The following CCDC198 variants were observed in gnomAD, a reference collection of about 807,000 sequenced individuals.
CCDC198 encodes coiled-coil domain containing 198.
In CCDC198, 18 loss-of-function variants were observed where a neutral mutation model predicts 35.6. The ratio of observed to expected loss-of-function variants is 0.51; its 90% CI spans 0.35 to 0.75. CCDC198 has a LOEUF of 0.75. Among genes scored for constraint, CCDC198 ranks in the 30% least tolerant of loss-of-function variants. The pLI, the probability that CCDC198 is intolerant of heterozygous loss-of-function variation, is 0.01. For missense variants in CCDC198, 365 were observed against 343.7 expected (o/e 1.06, Z -0.49); for synonymous variants, 119 against 113.4 (o/e 1.05, Z -0.31).
At position 57,481,564 on chromosome 14, in the gene CCDC198, G is replaced by C; in HGVS notation, c.490C>G (p.Gln164Glu). The C allele has an allele frequency of 6.2e-7, 1 of 1,607,028 alleles. No homozygotes were observed. The highest frequency in any genetic ancestry group is 8.5e-7 in the Non-Finnish European group (1 of 1,174,668). ...MQVLEMIRKR[Q>E]EAQMELKKSL... ...GACACTCTTCTCGTATTTACCTCTT[G>C]TCTTTTACGGATCATTTCCAGCACT... Residue 164 changes from glutamine (Q) to glutamate (E), a missense_variant, in exon 4 of 6, where the codon CAA becomes GAA. Gln to Glu is a conservative substitution (Grantham distance 29). Transcript: ENST00000216445.
intron 2 of CCDC198, among the ~76,000 whole-genome samples, chr14:57,488,626 A>AT (rs1284443122): frequency 6.6e-6 from 1 of 152,196 alleles, no homozygotes; most frequent in East Asian, 1.9e-4. Context: ...CAGTCTATCC[A>AT]TCTGACAAAG....
intron 5 of CCDC198, among the ~76,000 whole-genome samples, chr14:57,479,994 C>T (rs1035268594): frequency 6.6e-6 from 1 of 152,168 alleles, no homozygotes; most frequent in Admixed American, 6.5e-5. Context: ...AGAGAAAGGG[C>T]AGATTTTACT....
At chr14:57,478,373 C>A in intron 5 of CCDC198, 1 of 784,686 alleles carries the variant, frequency 1.3e-6, no homozygotes, top group Middle Eastern at 6.4e-4. Flanking sequence ...AATAGTAGCT[C>A]CTACCTTCTA....
intron 3 of CCDC198, among the ~76,000 whole-genome samples, chr14:57,481,972 T>A (rs2067202961): frequency 6.6e-6 from 1 of 152,188 alleles, no homozygotes; most frequent in Admixed American, 6.5e-5. Context: ...AACAGATGCT[T>A]ATTACCACCT....
chr14:57,485,567 G>A (rs1194991641), intron 2 of CCDC198, among the ~76,000 whole-genome samples: 1 of 152,164 alleles, frequency 6.6e-6, no homozygotes, highest in African/African-American at 2.4e-5. Context: ...AGAGAGAGTG[G>A]AACCACGGAA....
intron 3 of CCDC198, 31 bp from the exon 4 acceptor site, chr14:57,481,691 G>A (rs759839176): frequency 7.2e-7 from 1 of 1,396,750 alleles, no homozygotes; most frequent in Non-Finnish European, 1.0e-6. Context: ...GTTAGTATGG[G>A]GTAATTTGTT....
At chr14:57,479,929 A>C (rs1194825797) in intron 5 of CCDC198, among the ~76,000 whole-genome samples, 3 of 152,164 alleles carry the variant, frequency 2.0e-5, no homozygotes, top group Non-Finnish European at 4.4e-5. Flanking sequence ...CTGTAGCTGG[A>C]GCCCTGGTGT....
intron 3 of CCDC198, among the ~76,000 whole-genome samples, chr14:57,482,401 C>T (rs1566582929): frequency 6.6e-6 from 1 of 152,158 alleles, no homozygotes; most frequent in Non-Finnish European, 1.5e-5. Context: ...GCTGTCAGCA[C>T]CACAAACGTG....
chr14:57,475,788 C>CTTTTTTTTTT lies in CCDC198; in HGVS notation c.656-4208_656-4199dup, dbSNP rs548486752. On this transcript the variant is annotated intron_variant, in intron 5 of 5. Coordinates refer to ENST00000216445, the MANE Select transcript of CCDC198 (RefSeq NM_018168.4). ...CATACATTTGTACGGCACTTAGCTT[C>CTTTTTTTTTT]TTTTTTTTTTTTTTTTTTTTTTTTT... 3.9e-4 allele frequency: 42 copies of CTTTTTTTTTT among 108,854 alleles called. 3 individuals are homozygous for CTTTTTTTTTT. The highest frequency in any genetic ancestry group is 5.5e-4 in the East Asian group (1 of 1,832). 6.7% of individuals were successfully genotyped at this position (108,854 alleles called of 1,614,324 possible). A position where few individuals can be genotyped will look rare whatever the true frequency, so the allele number is the denominator to read the frequency against.
Position 57,471,327 on chromosome 14 carries a change from T to G in CCDC198, c.*28A>C. 1 of 1,537,978 alleles carries G rather than the reference T, an allele frequency of 6.5e-7. No individual in the cohort carries two copies. The highest frequency in any genetic ancestry group is 2.3e-5 in the East Asian group (1 of 44,252). On this transcript the variant is annotated 3_prime_UTR_variant, in exon 6 of 6. Coordinates refer to ENST00000216445, the MANE Select transcript of CCDC198 (RefSeq NM_018168.4). ...AGAGTAAAACAAGCTTTCAAAGCACTCAGTTTCTAGGTTAATGAATAGTAT... is the reference window on the plus strand; with the variant it reads ...AGAGTAAAACAAGCTTTCAAAGCACGCAGTTTCTAGGTTAATGAATAGTAT...
rs548486752 is a variant in CCDC198 at position 57,475,788 on chromosome 14, C to CTTTTTTTTT, written c.656-4207_656-4199dup. On this transcript the variant is annotated intron_variant, in intron 5 of 5. Transcript: ENST00000216445. ...CATACATTTGTACGGCACTTAGCTT[C>CTTTTTTTTT]TTTTTTTTTTTTTTTTTTTTTTTTT... The CTTTTTTTTT allele has an allele frequency of 6.2e-4, 68 of 108,848 alleles. 10 individuals carry two copies. The highest frequency in any genetic ancestry group is 1.5e-3 in the African/African-American group (32 of 20,826). 6.7% of individuals were successfully genotyped at this position (108,848 alleles called of 1,614,324 possible).
chr14:57,492,468 A>T (rs1413964375), intron 1 of CCDC198, among the ~76,000 whole-genome samples: 2 of 152,036 alleles, frequency 1.3e-5, no homozygotes, highest in African/African-American at 4.8e-5. Context: ...CTTAGTACAC[A>T]TTCACGCTCC....
At chr14:57,492,360 T>C (rs998588930) in intron 1 of CCDC198, among the ~76,000 whole-genome samples, 11 of 152,100 alleles carry the variant, frequency 7.2e-5, no homozygotes, top group African/African-American at 2.7e-4. Context: ...TTTTTTTTCT[T>C]TTAATTGAGA....
chr14:57,476,712 C>A (rs2067009582), intron 5 of CCDC198, among the ~76,000 whole-genome samples: 1 of 152,128 alleles, frequency 6.6e-6, no homozygotes, highest in South Asian at 2.1e-4. Context: ...AACAGGGGAA[C>A]AAGAATGGGC....
intron 5 of CCDC198, among the ~76,000 whole-genome samples, chr14:57,477,505 C>T (rs1292061892): frequency 1.3e-5 from 2 of 152,000 alleles, no homozygotes; most frequent in South Asian, 4.1e-4. Flanking sequence ...CACACACACA[C>T]GTACAGGAGT....
chr14:57,483,836 T>C (rs1228613441), intron 2 of CCDC198, among the ~76,000 whole-genome samples: 1 of 152,284 alleles, frequency 6.6e-6, no homozygotes, highest in Non-Finnish European at 1.5e-5. Context: ...GACATTGACA[T>C]GCAATGGGGA....
At position 57,469,718 on chromosome 14, in the gene CCDC198, A is replaced by C. The variant is rs527822820; in HGVS notation, c.*1637T>G. The C allele has an allele frequency of 2.6e-5, 4 of 152,240 alleles. No individual in the cohort carries two copies. Among genetic ancestry groups the C allele is most frequent in the Non-Finnish European group, 5.9e-5 (4 of 68,044 alleles). The allele number at this position is 152,240 out of a possible 1,614,324, so 9.4% of individuals were successfully genotyped here. A position where few individuals can be genotyped will look rare whatever the true frequency, so the allele number is the denominator to read the frequency against. On this transcript the variant is annotated 3_prime_UTR_variant, in exon 6 of 6. Coordinates refer to ENST00000216445, the MANE Select transcript of CCDC198 (RefSeq NM_018168.4). ...AGAAGACTACTCACAAAGAACTGGGAATAGATATGGCCTGGGACAATCTAA... is the reference window on the plus strand; with the variant it reads ...AGAAGACTACTCACAAAGAACTGGGCATAGATATGGCCTGGGACAATCTAA...
intron 2 of CCDC198, among the ~76,000 whole-genome samples, chr14:57,488,810 A>G (rs2067459693): frequency 1.3e-5 from 2 of 152,226 alleles, no homozygotes. Context: ...AATGCAAATC[A>G]AAACCACAAT....
In CCDC198 at chr14:57,481,605, T is replaced by C. The variant is rs765255007; in HGVS notation, c.449A>G (p.Tyr150Cys). ...TPMYTSENRQ[Y>C]LHKMQVLEMI... is the part of the protein sequence containing the mutation. The stretch of plus-strand genomic sequence containing the variant: ...TTCCAGCACTTGCATCTTATGCAAA[T>C]ATTGTCTGTTCTCAGAAGTATACAT... The change falls in exon 4 of 6, where the codon TAT (tyrosine) becomes TGT (cysteine). Residue 150 changes from tyrosine (Y) to cysteine (C), a missense_variant. Physicochemically the swap from Tyr to Cys is radical, Grantham distance 194 (BLOSUM62 -2). Coordinates refer to ENST00000216445, the MANE Select transcript of CCDC198 (RefSeq NM_018168.4). The C allele has an allele frequency of 1.2e-6, 2 of 1,612,804 alleles. No homozygotes were observed. The highest frequency in any genetic ancestry group is 1.3e-5 in the African/African-American group (1 of 75,044).
Sources: gnomAD v4.1 joint callset for allele counts (sites outside exome capture counted in the v4.1 genomes callset) on GRCh38, gnomAD v4.1.1 for gene constraint, MANE v1.5 for transcripts, NCBI Gene and HGNC (gene_info 2026-07-23, HGNC 2026-07-21) for gene names.